Variants in OR51B5 observed in about 807,000 individuals in gnomAD.
OR51B5 encodes the protein olfactory receptor 51B5.
For missense variants in OR51B5, 456 were observed against 374.6 expected (o/e 1.22, Z -1.79); for synonymous variants, 186 against 144.8 (o/e 1.28, Z -2.04).
chr11:5,386,370 C>T (rs1022825992), intron 1 of OR51B5, among the ~76,000 whole-genome samples: 14 of 152,106 alleles, frequency 9.2e-5, no homozygotes, highest in African/African-American at 3.4e-4. Context: ...ATATCTTATC[C>T]TGATTTTCGC....
intron 1 of OR51B5, among the ~76,000 whole-genome samples, chr11:5,471,090 T>C (rs1394660325): frequency 1.3e-5 from 2 of 152,214 alleles, no homozygotes; most frequent in Admixed American, 1.3e-4. Flanking sequence ...TTTCTTCTCA[T>C]AATTTTGGCT....
intron 1 of OR51B5, among the ~76,000 whole-genome samples, chr11:5,399,113 C>T (rs1237090215): frequency 6.6e-6 from 1 of 152,124 alleles, no homozygotes; most frequent in Non-Finnish European, 1.5e-5. Flanking sequence ...GAAAACAAAA[C>T]AAAAACACCA....
chr11:5,360,909 A>G (rs1206352573), intron 1 of OR51B5, among the ~76,000 whole-genome samples: 1 of 150,892 alleles, frequency 6.6e-6, no homozygotes, highest in East Asian at 2.0e-4. Context: ...CAAACACTGC[A>G]TGTTCTCACT....
intron 1 of OR51B5, among the ~76,000 whole-genome samples, chr11:5,357,190 A>G (rs1385943431): frequency 2.6e-5 from 4 of 152,212 alleles, no homozygotes; most frequent in African/African-American, 9.7e-5. Context: ...CAAATTAGAT[A>G]AAGAGTCAAG....
chr11:5,402,561 C>A, intron 1 of OR51B5: 1 of 432,456 alleles, frequency 2.3e-6, no homozygotes, highest in Non-Finnish European at 4.8e-6. Context: ...TTCTAATTTT[C>A]AAGGTGGCAC....
chr11:5,445,453 A>G (rs960086287), intron 1 of OR51B5, among the ~76,000 whole-genome samples: 4 of 152,116 alleles, frequency 2.6e-5, no homozygotes, highest in African/African-American at 9.7e-5. Context: ...TACTATATGG[A>G]ACCTAAAAAT....
At chr11:5,373,486 T>G (rs938190092) in intron 1 of OR51B5, among the ~76,000 whole-genome samples, 7 of 152,074 alleles carry the variant, frequency 4.6e-5, no homozygotes, top group African/African-American at 1.7e-4. Context: ...CACAGGTCAG[T>G]GGGTGCAGCA....
chr11:5,390,574 T>C, intron 1 of OR51B5: 3 of 547,486 alleles, frequency 5.5e-6, no homozygotes, highest in Non-Finnish European at 9.5e-6. Context: ...TGGCTCCTCC[T>C]ACAGCTGAGA....
intron 1 of OR51B5, among the ~76,000 whole-genome samples, chr11:5,471,064 C>G (rs1851220934): frequency 6.6e-6 from 1 of 152,342 alleles, no homozygotes; most frequent in South Asian, 2.1e-4. Flanking sequence ...TCCAATAATT[C>G]TGATCATTCA....
upstream of OR51B5, among the ~76,000 whole-genome samples, chr11:5,347,761 G>A (rs936023448): frequency 3.9e-5 from 6 of 151,992 alleles, no homozygotes; most frequent in Admixed American, 3.9e-4. Context: ...AAAGATGGAA[G>A]GAAGGAGGTA....
chr11:5,431,497 T>C (rs1265064587), intron 1 of OR51B5: 1 of 166,056 alleles, frequency 6.0e-6, no homozygotes, highest in African/African-American at 2.4e-5. Context: ...ACAATGTACA[T>C]GGTGAAGAAA....
intron 1 of OR51B5, chr11:5,453,518 A>T: frequency 6.3e-7 from 1 of 1,577,402 alleles, no homozygotes; most frequent in South Asian, 1.2e-5. Flanking sequence ...CTCACCCTGC[A>T]TTCTTCCTCC....
At chr11:5,452,504 C>CAAAAAAAAAAAAAAAAAAA (rs56677841) in intron 1 of OR51B5, among the ~76,000 whole-genome samples, 2 of 69,188 alleles carry the variant, frequency 2.9e-5, no homozygotes, top group Non-Finnish European at 2.6e-5. Flanking sequence ...GACTCTGTCT[C>CAAAAAAAAAAAAAAAAAAA]AAAAAAAAAA....
At chr11:5,489,199 T>C in intron 1 of OR51B5, 1 of 1,613,502 alleles carries the variant, frequency 6.2e-7, no homozygotes, top group Non-Finnish European at 8.5e-7. Flanking sequence ...CTTCATCTTC[T>C]TGCTGAGGCG....
chr11:5,449,006 C>T (rs542550458), intron 1 of OR51B5, among the ~76,000 whole-genome samples: 5 of 152,334 alleles, frequency 3.3e-5, no homozygotes, highest in Non-Finnish European at 7.3e-5. Flanking sequence ...TTTCTGATTG[C>T]ACCTCAATTG....
chr11:5,427,798 A>G (rs1311796933), intron 1 of OR51B5, among the ~76,000 whole-genome samples: 2 of 152,238 alleles, frequency 1.3e-5, no homozygotes, highest in Non-Finnish European at 2.9e-5. Context: ...CGGGAATGAT[A>G]TTAGAAAATA....
exon 1 of OR51B5, chr11:5,342,632 T>C: frequency 6.2e-7 from 1 of 1,606,308 alleles, no homozygotes; most frequent in Non-Finnish European, 8.5e-7. Flanking sequence ...AATGGCATTC[T>C]GAATCTGCTT....
intron 1 of OR51B5, chr11:5,455,231 A>C (rs1281144627): frequency 6.6e-6 from 1 of 152,122 alleles, no homozygotes; most frequent in Admixed American, 6.6e-5. Flanking sequence ...TTTTGGGGGA[A>C]AGGGGGAATT....
intron 1 of OR51B5, among the ~76,000 whole-genome samples, chr11:5,406,484 G>T (rs1245948116): frequency 4.6e-5 from 7 of 151,870 alleles, no homozygotes; most frequent in Admixed American, 1.3e-4. Context: ...TGGCTCCCTG[G>T]GATTTTCTAC....
Sources: gnomAD v4.1 joint callset for allele counts (sites outside exome capture counted in the v4.1 genomes callset) on GRCh38, gnomAD v4.1.1 for gene constraint, MANE v1.5 for transcripts, NCBI Gene and HGNC (gene_info 2026-07-23, HGNC 2026-07-21) for gene names.